The following MAPK10 variants were observed in gnomAD, a reference collection of about 807,000 sequenced individuals.
The protein encoded by MAPK10 is JNK3 alpha protein kinase.
Under a neutral mutation model 59.3 loss-of-function variants are expected in MAPK10, and 25 were observed. That is an observed-to-expected ratio of 0.42 (90% CI 0.31 to 0.59). MAPK10 has a LOEUF of 0.59. Among genes scored for constraint, MAPK10 ranks in the 20% least tolerant of loss-of-function variants. The probability of loss-of-function intolerance (pLI) is 0.15; values close to 1 mark genes in which losing one functional copy is unlikely to be tolerated. For synonymous variants in MAPK10, 190 were observed against 200.5 expected (o/e 0.95, Z 0.44); for missense variants, 351 against 568.9 (o/e 0.62, Z 3.90).
chr4:86,178,867 A>G (rs2076265226), intron 3 of MAPK10, among the ~76,000 whole-genome samples: 1 of 152,216 alleles, frequency 6.6e-6, no homozygotes, highest in Non-Finnish European at 1.5e-5. Context: ...AACAAAAATC[A>G]GTAACATTTC....
intron 4 of MAPK10, among the ~76,000 whole-genome samples, chr4:86,146,907 G>C (rs2065145347): frequency 6.6e-6 from 1 of 152,144 alleles, no homozygotes; most frequent in Non-Finnish European, 1.5e-5. Context: ...CTCTTGATTA[G>C]ATGGCAGGAT....
At chr4:86,172,255 C>T (rs914047036) in intron 3 of MAPK10, among the ~76,000 whole-genome samples, 5 of 143,322 alleles carry the variant, frequency 3.5e-5, no homozygotes, top group African/African-American at 1.2e-4. Flanking sequence ...AATCATGGTG[C>T]TATAAAGACA....
intron 1 of MAPK10, among the ~76,000 whole-genome samples, chr4:86,574,095 C>G (rs985775821): frequency 6.6e-6 from 1 of 151,982 alleles, no homozygotes; most frequent in African/African-American, 2.4e-5. Flanking sequence ...GTGATGTTCC[C>G]CTTCCTGTGT....
At chr4:86,485,102 T>G (rs1753885738) in intron 1 of MAPK10, among the ~76,000 whole-genome samples, 1 of 152,154 alleles carries the variant, frequency 6.6e-6, no homozygotes, top group Non-Finnish European at 1.5e-5. Flanking sequence ...GACTTTCTGG[T>G]TTTTGGTTTG....
chr4:86,436,044 CT>C (rs1748678596), intron 1 of MAPK10, among the ~76,000 whole-genome samples: 1 of 152,146 alleles, frequency 6.6e-6, no homozygotes, highest in Non-Finnish European at 1.5e-5. Flanking sequence ...AAATCAACTT[CT>C]TTTTTTCTTT....
At chr4:86,357,324 G>A (rs1157763170) in intron 1 of MAPK10, among the ~76,000 whole-genome samples, 2 of 152,070 alleles carry the variant, frequency 1.3e-5, no homozygotes, top group African/African-American at 4.8e-5. Flanking sequence ...TTTAGTATCA[G>A]TATAAAAAGA....
rs1417869410 is a variant in MAPK10, at chr4:86,029,288, C to A, written c.1175-14G>T. The A allele has an allele frequency of 2.6e-6, 4 of 1,543,112 alleles. No individual in the cohort carries two copies. The highest frequency in any genetic ancestry group is 1.4e-5 in the African/African-American group (1 of 73,606). ...TGTAGATAAGTTCTGTAAGAAACAG[C>A]TGTGTTATTATAGAAAACAAATTTA... On this transcript the variant is annotated splice_polypyrimidine_tract_variant and intron_variant, in intron 12 of 13. Transcript: ENST00000641462.
chr4:86,557,105 G>A (rs1760327456), intron 1 of MAPK10, among the ~76,000 whole-genome samples: 1 of 151,718 alleles, frequency 6.6e-6, no homozygotes, highest in African/African-American at 2.4e-5. Context: ...GACATTTAAT[G>A]TTTACATTCA....
At chr4:86,355,320 T>A (rs914471717) in intron 1 of MAPK10, among the ~76,000 whole-genome samples, 1 of 151,756 alleles carries the variant, frequency 6.6e-6, no homozygotes, top group Non-Finnish European at 1.5e-5. Flanking sequence ...CAAGTAAGAG[T>A]TTCTTTCCTG....
chr4:86,203,907 TAACATACTGTCAAATTCTTAAGTA>T (rs899525379), intron 2 of MAPK10, among the ~76,000 whole-genome samples: 1 of 151,864 alleles, frequency 6.6e-6, no homozygotes, highest in Non-Finnish European at 1.5e-5. Flanking sequence ...ATGCTCACTT[TAACATACTGTCAAATTCTTAAGTA>T]GATGTGCTAT....
At chr4:86,456,404 C>T (rs1184858991), upstream of MAPK10, among the ~76,000 whole-genome samples, 2 of 151,878 alleles carry the variant, frequency 1.3e-5, no homozygotes, top group East Asian at 3.9e-4. Flanking sequence ...ATTGATAGAC[C>T]ATTAGCAAGA....
At chr4:86,090,137 A>C (rs1478029010) in intron 9 of MAPK10, among the ~76,000 whole-genome samples, 1 of 151,952 alleles carries the variant, frequency 6.6e-6, no homozygotes, top group East Asian at 1.9e-4. Flanking sequence ...AAGAAAGTGA[A>C]ATCTCTCTCT....
chr4:86,072,175 T>A lies in MAPK10; in HGVS notation c.803-4220A>T, dbSNP rs1388104224. Among the ~76,000 whole-genome samples, 62 of 150,812 alleles carry A rather than the reference T, an allele frequency of 4.1e-4. 1 individual carries two copies. In the South Asian group the frequency reaches 4.4e-3, roughly 11 times the overall value. ...AGCAATTGTGAATGGGAGTTCACTC[T>A]TGATTTGGCTCTCTGTTTGTCTGTT... On this transcript the variant is annotated intron_variant, in intron 9 of 13. Transcript: ENST00000641462.
chr4:86,421,437 A>T (rs1424675957), intron 1 of MAPK10, among the ~76,000 whole-genome samples: 1 of 152,226 alleles, frequency 6.6e-6, no homozygotes, highest in Admixed American at 6.5e-5. Context: ...GGTTGATTTT[A>T]CACATATTTA....
chr4:86,269,205 T>C (rs1409461979), intron 2 of MAPK10, among the ~76,000 whole-genome samples: 1 of 152,186 alleles, frequency 6.6e-6, no homozygotes, highest in Non-Finnish European at 1.5e-5. Flanking sequence ...AGACACAAAC[T>C]ACATAAATTA....
At chr4:86,280,275 G>T (rs977668346) in intron 2 of MAPK10, among the ~76,000 whole-genome samples, 1 of 151,900 alleles carries the variant, frequency 6.6e-6, no homozygotes, top group Non-Finnish European at 1.5e-5. Flanking sequence ...ATAACCCCAT[G>T]AAAAAGTGGG....
chr4:86,478,013 A>G (rs1028989305), intron 1 of MAPK10, among the ~76,000 whole-genome samples: 5 of 151,972 alleles, frequency 3.3e-5, no homozygotes, highest in African/African-American at 1.2e-4. Flanking sequence ...TCTGTTACCT[A>G]TCTCGGCATA....
chr4:86,232,751 C>G (rs2091754585), intron 2 of MAPK10, among the ~76,000 whole-genome samples: 2 of 152,228 alleles, frequency 1.3e-5, no homozygotes, highest in Non-Finnish European at 2.9e-5. Context: ...CTGACCCACT[C>G]TTGTAGATCC....
chr4:86,440,212 G>A (rs1448140499), intron 1 of MAPK10, among the ~76,000 whole-genome samples: 1 of 152,128 alleles, frequency 6.6e-6, no homozygotes, highest in Non-Finnish European at 1.5e-5. Flanking sequence ...AAATGGGCAT[G>A]TTCTTTGAAC....
Sources: gnomAD v4.1 joint callset for allele counts (sites outside exome capture counted in the v4.1 genomes callset) on GRCh38, gnomAD v4.1.1 for gene constraint, MANE v1.5 for transcripts, NCBI Gene and HGNC (gene_info 2026-07-23, HGNC 2026-07-21) for gene names.